Variants in ST18 observed in about 807,000 individuals in gnomAD.
ST18 encodes the protein ST18 C2H2C-type zinc finger transcription factor, also known as suppression of tumorigenicity 18 protein.
A neutral mutation model predicts 110.0 loss-of-function variants in ST18; 50 were observed. The observed-to-expected ratio is 0.45, with a 90% CI of 0.36 to 0.58. The LOEUF is 0.58. Ranked by LOEUF, ST18 falls within the 20% of genes least tolerant of loss-of-function variation. The pLI, the probability that ST18 is intolerant of heterozygous loss-of-function variation, is 0.00. For missense variants in ST18, 1,306 were observed against 1,280.1 expected (o/e 1.02, Z -0.31); for synonymous variants, 461 against 452.4 (o/e 1.02, Z -0.24).
At chr8:52,365,399 T>C (rs1180721454) in intron 2 of ST18, among the ~76,000 whole-genome samples, 1 of 152,088 alleles carries the variant, frequency 6.6e-6, no homozygotes, top group African/African-American at 2.4e-5. Flanking sequence ...ACGGAGGATA[T>C]GTTTTACAAC....
Position 52,116,406 on chromosome 8 carries a change from C to G in ST18, c.2872G>C (p.Glu958Gln). ...TCCTCTATCGTCTTTAAGTTGCTCT[C>G]CATAGATGTGATCTACAACAGAAAT... Reference protein sequence around the residue: ...MKLQTQITSMESNLKTIEEEN... With the variant: ...MKLQTQITSMQSNLKTIEEEN... Residue 958 changes from glutamate to glutamine, a missense_variant, in exon 25 of 26, where the codon GAG becomes CAG. Transcript: ENST00000689386. The G allele has an allele frequency of 1.2e-6, 2 of 1,612,920 alleles. No individual in the cohort carries two copies. Among genetic ancestry groups the G allele is most frequent in the Non-Finnish European group, 1.7e-6 (2 of 1,179,566 alleles).
intron 2 of ST18, among the ~76,000 whole-genome samples, chr8:52,244,987 GTA>G (rs2093727256): frequency 6.6e-6 from 1 of 152,074 alleles, no homozygotes; most frequent in African/African-American, 2.4e-5. Flanking sequence ...CCTTTCTAGA[GTA>G]GTCATATTGT....
At chr8:52,288,817 T>G (rs573704434) in intron 2 of ST18, among the ~76,000 whole-genome samples, 2 of 152,132 alleles carry the variant, frequency 1.3e-5, no homozygotes, top group Admixed American at 1.3e-4. Flanking sequence ...TCAAAAATAT[T>G]GACTAGAGCA....
intron 15 of ST18, among the ~76,000 whole-genome samples, chr8:52,155,602 C>G (rs565284491): frequency 6.6e-6 from 1 of 152,070 alleles, no homozygotes; most frequent in Admixed American, 6.5e-5. Context: ...GGATCAGTGA[C>G]GTCTTCCAGT....
chr8:52,134,010 C>T (rs907722267), intron 19 of ST18, among the ~76,000 whole-genome samples: 2 of 152,138 alleles, frequency 1.3e-5, no homozygotes, highest in Non-Finnish European at 2.9e-5. Flanking sequence ...GGATTACAGG[C>T]GTGAGCCACT....
At chr8:52,255,574 AT>A (rs965902981) in intron 2 of ST18, among the ~76,000 whole-genome samples, 14 of 152,096 alleles carry the variant, frequency 9.2e-5, no homozygotes, top group Non-Finnish European at 1.8e-4. Flanking sequence ...TAAAGATTTA[AT>A]TTTTTTCTGC....
chr8:52,310,289 G>A (rs2095882578), intron 2 of ST18, among the ~76,000 whole-genome samples: 2 of 152,136 alleles, frequency 1.3e-5, no homozygotes, highest in Admixed American at 1.3e-4. Flanking sequence ...TGTAGTGTCT[G>A]TTTCTGATAC....
intron 2 of ST18, among the ~76,000 whole-genome samples, chr8:52,380,277 T>C (rs902420024): frequency 2.6e-5 from 4 of 152,228 alleles, no homozygotes; most frequent in African/African-American, 7.2e-5. Context: ...AAATGCATTT[T>C]TCATTCCTTA....
At chr8:52,164,186 G>T (rs2062228889) in intron 12 of ST18, 96 bp from the exon 13 acceptor site, 1 of 1,012,540 alleles carries the variant, frequency 9.9e-7, no homozygotes, top group Non-Finnish European at 1.5e-6. Context: ...CACACTAAAT[G>T]TTAAGTCATA....
rs781521854 is a variant in ST18 at position 52,172,014 on chromosome 8, T to A, written c.847A>T (p.Ser283Cys). ...PSFPDVEEED[S>C]ESLAVMTEEG... ...TCCGTCATTACTGCCAGGCTCTCGC[T>A]ATCTTCCTCCTCAACGTCAGGGAAT... Residue 283 changes from serine (S) to cysteine (C), a missense_variant, in exon 10 of 26, where the codon AGC becomes TGC. Ser to Cys is a moderately radical substitution (Grantham distance 112). Coordinates refer to ENST00000689386, the MANE Select transcript of ST18 (RefSeq NM_001352837.2). 2 of 1,614,142 alleles carry A rather than the reference T, an allele frequency of 1.2e-6. No homozygotes were observed. The highest frequency in any genetic ancestry group is 1.7e-5 in the Admixed American group (1 of 60,016).
intron 8 of ST18, among the ~76,000 whole-genome samples, chr8:52,204,364 T>G (rs1169145039): frequency 1.3e-5 from 2 of 152,218 alleles, no homozygotes; most frequent in African/African-American, 4.8e-5. Context: ...CTGTGATGTG[T>G]GCCTCTCAAA....
At position 52,165,318 on chromosome 8, in the gene ST18, C is replaced by T. The variant is rs140492936; in HGVS notation, c.1205-93G>A. ...ATCTCTCAACTTTGCATTTAAATGA[C>T]TTCAGTTCCATCATCCACCATGCTC... On this transcript the variant is annotated intron_variant, in intron 11 of 25. Coordinates refer to ENST00000689386, the MANE Select transcript of ST18 (RefSeq NM_001352837.2). 261 of 1,238,976 alleles carry T rather than the reference C, an allele frequency of 2.1e-4. 1 individual carries two copies. The African/African-American group carries it at 2.3e-3, about 11-fold the overall frequency. 76.7% of individuals were successfully genotyped at this position (1,238,976 alleles called of 1,614,324 possible). A position where few individuals can be genotyped will look rare whatever the true frequency, so the allele number is the denominator to read the frequency against.
intron 2 of ST18, among the ~76,000 whole-genome samples, chr8:52,367,236 T>TCACACACACACACACACACACACACACA (rs748933981): frequency 2.5e-5 from 3 of 120,190 alleles, no homozygotes; most frequent in African/African-American, 6.1e-5. Context: ...GGACCCTGTC[T>TCACACACACACACACACACACACACACA]CACACACACA....
At chr8:52,403,021 G>T (rs762613359) in intron 2 of ST18, among the ~76,000 whole-genome samples, 6 of 152,198 alleles carry the variant, frequency 3.9e-5, no homozygotes, top group Non-Finnish European at 8.8e-5. Flanking sequence ...ACTTCCTGGG[G>T]GTGGGACATT....
At chr8:52,271,828 A>G (rs2095086116) in intron 2 of ST18, among the ~76,000 whole-genome samples, 1 of 152,266 alleles carries the variant, frequency 6.6e-6, no homozygotes, top group African/African-American at 2.4e-5. Context: ...ATGCTTTCTT[A>G]CTGGTGCTGC....
chr8:52,159,424 A>T (rs2060850234), intron 14 of ST18, among the ~76,000 whole-genome samples: 1 of 152,192 alleles, frequency 6.6e-6, no homozygotes, highest in African/African-American at 2.4e-5. Flanking sequence ...CAAAAATTGT[A>T]GATAAAAAAA....
intron 2 of ST18, among the ~76,000 whole-genome samples, chr8:52,237,129 G>A (rs1410944491): frequency 6.6e-6 from 1 of 152,192 alleles, no homozygotes; most frequent in Non-Finnish European, 1.5e-5. Flanking sequence ...AAAAGGCATA[G>A]TACATAGTAG....
intron 2 of ST18, among the ~76,000 whole-genome samples, chr8:52,350,482 C>T (rs1819796665): frequency 6.6e-6 from 1 of 152,108 alleles, no homozygotes; most frequent in Admixed American, 6.5e-5. Flanking sequence ...ACTCAAGTAC[C>T]ATCCCTATTT....
chr8:52,393,378 A>G (rs1340401512), intron 2 of ST18, among the ~76,000 whole-genome samples: 2 of 152,152 alleles, frequency 1.3e-5, no homozygotes, highest in Non-Finnish European at 2.9e-5. Flanking sequence ...AGCCAGCATC[A>G]CCATATAGAC....
Sources: allele counts gnomAD v4.1 joint callset (sites outside exome capture counted in the v4.1 genomes callset), GRCh38; gene constraint gnomAD v4.1.1; transcripts MANE v1.5; gene names NCBI Gene and HGNC (gene_info 2026-07-23, HGNC 2026-07-21).